The following GREB1L variants were observed in gnomAD, a reference collection of about 807,000 sequenced individuals.
GREB1L encodes the protein GREB1 like retinoic acid receptor coactivator.
A neutral mutation model predicts 200.8 loss-of-function variants in GREB1L; 17 were observed. The observed-to-expected ratio is 0.08, with a 90% CI of 0.06 to 0.13. GREB1L has a LOEUF of 0.13. Among genes scored for constraint, GREB1L ranks in the 10% least tolerant of loss-of-function variants. The pLI, the probability that GREB1L is intolerant of heterozygous loss-of-function variation, is 1.00. For missense variants in GREB1L, 1,657 were observed against 2,367.7 expected (o/e 0.70, Z 6.23); for synonymous variants, 789 against 893.0 (o/e 0.88, Z 2.08).
chr18:21,433,567 G>T (rs1357260395), intron 7 of GREB1L, among the ~76,000 whole-genome samples: 2 of 152,190 alleles, frequency 1.3e-5, no homozygotes, highest in African/African-American at 4.8e-5. Context: ...GTAATGTTGT[G>T]TGTGCACTGG....
chr18:21,298,397 C>T (rs541564419), intron 1 of GREB1L, among the ~76,000 whole-genome samples: 1 of 152,246 alleles, frequency 6.6e-6, no homozygotes, highest in South Asian at 2.1e-4. Flanking sequence ...TTTCTAATAA[C>T]TCACTTAGAG....
At chr18:21,254,349 A>G (rs1364605654) in intron 1 of GREB1L, among the ~76,000 whole-genome samples, 1 of 151,898 alleles carries the variant, frequency 6.6e-6, no homozygotes, top group African/African-American at 2.4e-5. Context: ...GATTACACAC[A>G]TGAGCCACCA....
intron 1 of GREB1L, among the ~76,000 whole-genome samples, chr18:21,286,955 A>T (rs1199685040): frequency 6.6e-6 from 1 of 152,162 alleles, no homozygotes; most frequent in Non-Finnish European, 1.5e-5. Flanking sequence ...TCAGATCTTA[A>T]CATTTTGTAA....
chr18:21,251,848 G>A (rs1443608861), intron 1 of GREB1L, among the ~76,000 whole-genome samples: 1 of 151,818 alleles, frequency 6.6e-6, no homozygotes, highest in Non-Finnish European at 1.5e-5. Context: ...AGGAGGCTGA[G>A]GCAGGAGAAT....
intron 1 of GREB1L, among the ~76,000 whole-genome samples, chr18:21,295,694 G>A (rs1222492030): frequency 3.3e-5 from 5 of 152,178 alleles, no homozygotes; most frequent in Admixed American, 6.5e-5. Flanking sequence ...TGCTAATGCA[G>A]GATGAGAGGA....
At chr18:21,467,009 A>G (rs973718413) in intron 15 of GREB1L, among the ~76,000 whole-genome samples, 1 of 152,186 alleles carries the variant, frequency 6.6e-6, no homozygotes, top group African/African-American at 2.4e-5. Flanking sequence ...ACAGAGAAAG[A>G]ACAGTCTTTT....
At chr18:21,465,874 C>G (rs2035244159) in intron 15 of GREB1L, among the ~76,000 whole-genome samples, 1 of 152,120 alleles carries the variant, frequency 6.6e-6, no homozygotes, top group Non-Finnish European at 1.5e-5. Flanking sequence ...GACTGTTCCT[C>G]CCTGGTGCGC....
At chr18:21,430,514 T>G (rs2145073499) in intron 7 of GREB1L, among the ~76,000 whole-genome samples, 1 of 151,788 alleles carries the variant, frequency 6.6e-6, no homozygotes, top group East Asian at 1.9e-4. Flanking sequence ...TTGGGTTTAG[T>G]TTTCACTTTT....
rs187207917 is a variant in GREB1L at position 21,510,927 on chromosome 18, G to A, written c.4735+2336G>A. On this transcript the variant is annotated intron_variant, in intron 27 of 32. Transcript: ENST00000424526. The stretch of plus-strand genomic sequence containing the variant: ...TTAGTAATATTGAACATCTTTTTGT[G>A]TGCTTGTTAGCCATCTGTATATCTT... Among the ~76,000 whole-genome samples, 16 of 151,522 alleles carry A rather than the reference G, an allele frequency of 1.1e-4. No homozygotes were observed. The East Asian group carries it at 3.1e-3, about 29-fold the overall frequency.
intron 1 of GREB1L, among the ~76,000 whole-genome samples, chr18:21,330,189 T>C (rs1483253524): frequency 6.6e-6 from 1 of 152,172 alleles, no homozygotes; most frequent in Non-Finnish European, 1.5e-5. Context: ...GCAGTGGCAG[T>C]CTGTCCTAAC....
In GREB1L at chr18:21,349,227, AT is replaced by A. The variant is rs546623174; in HGVS notation, c.-119-16790del. On this transcript the variant is annotated intron_variant, in intron 1 of 32. Transcript: ENST00000424526. ...ATGTTTTAAAACATCTAATTATGTTATTTTTTTTTTGAAAACTTCCATTGGC... is the reference window on the plus strand; with the variant it reads ...ATGTTTTAAAACATCTAATTATGTTATTTTTTTTTGAAAACTTCCATTGGC... Among the ~76,000 whole-genome samples the A allele has an allele frequency of 9.3e-4, 139 of 149,678 alleles. 2 individuals carry two copies. The highest frequency in any genetic ancestry group is 2.7e-3 in the African/African-American group (112 of 40,906).
intron 1 of GREB1L, among the ~76,000 whole-genome samples, chr18:21,314,076 C>A (rs1479793567): frequency 6.6e-6 from 1 of 152,220 alleles, no homozygotes; most frequent in Non-Finnish European, 1.5e-5. Flanking sequence ...AAGAGAATTT[C>A]TGCAGAAGTG....
At chr18:21,416,585 T>G (rs1296059326) in intron 7 of GREB1L, among the ~76,000 whole-genome samples, 1 of 151,518 alleles carries the variant, frequency 6.6e-6, no homozygotes, top group East Asian at 1.9e-4. Flanking sequence ...TCCCAGCTAC[T>G]CGGGAGGCTG....
Position 21,511,319 on chromosome 18 carries a change from G to A in GREB1L, c.4736-2502G>A, listed in dbSNP as rs763921951. On this transcript the variant is annotated intron_variant, in intron 27 of 32. Transcript: ENST00000424526. ...GTGGAGGTTGCGGTAAGCTGAGATC[G>A]TACCGCTGCACTCCAGCCTGGGCAA... Among the ~76,000 whole-genome samples, 28 of 151,814 alleles carry A rather than the reference G, an allele frequency of 1.8e-4. 1 individual carries two copies. The highest frequency in any genetic ancestry group is 3.4e-4 in the Non-Finnish European group (23 of 67,964).
rs2040717214 is a variant in GREB1L, at chr18:21,389,768, G to A, written c.355+5365G>A. 5.3e-5 allele frequency among the ~76,000 whole-genome samples: 8 copies of A among 152,264 alleles called. No individual in the cohort carries two copies. In the South Asian group the frequency reaches 1.7e-3, roughly 32 times the overall value. ...CAGTCTGTGAGCATGAATTACTTTT[G>A]CGGCTTGCCAAAACTTGAATTTTAA... On this transcript the variant is annotated intron_variant, in intron 4 of 32. Coordinates refer to ENST00000424526, the MANE Select transcript of GREB1L (RefSeq NM_001142966.3).
At chr18:21,279,141 G>T (rs1276915900) in intron 1 of GREB1L, among the ~76,000 whole-genome samples, 1 of 152,016 alleles carries the variant, frequency 6.6e-6, no homozygotes, top group African/African-American at 2.4e-5. Flanking sequence ...TTAAAGAAAA[G>T]ATTACATTTT....
At chr18:21,338,759 A>G (rs1370299834) in intron 1 of GREB1L, among the ~76,000 whole-genome samples, 2 of 152,042 alleles carry the variant, frequency 1.3e-5, no homozygotes, top group Non-Finnish European at 1.5e-5. Context: ...ACATATCTCA[A>G]CTCCTTTAGG....
At chr18:21,340,356 C>T (rs2145139506) in intron 1 of GREB1L, among the ~76,000 whole-genome samples, 1 of 151,762 alleles carries the variant, frequency 6.6e-6, no homozygotes, top group East Asian at 2.0e-4. Flanking sequence ...GGAGGTGGAG[C>T]TTGCAGTGAG....
At chr18:21,434,487 A>G (rs932532002) in intron 7 of GREB1L, among the ~76,000 whole-genome samples, 3 of 115,126 alleles carry the variant, frequency 2.6e-5, no homozygotes, top group Non-Finnish European at 5.5e-5. Context: ...AAAAAATAGT[A>G]TATATATATA....
Sources: gnomAD v4.1 joint callset for allele counts (sites outside exome capture counted in the v4.1 genomes callset) on GRCh38, gnomAD v4.1.1 for gene constraint, MANE v1.5 for transcripts, NCBI Gene and HGNC (gene_info 2026-07-23, HGNC 2026-07-21) for gene names.